Variants in MDGA2 observed in about 807,000 individuals in gnomAD.
The protein encoded by MDGA2 is MAM domain-containing glycosylphosphatidylinositol anchor protein 2.
In MDGA2, 40 loss-of-function variants were observed where a neutral mutation model predicts 117.8. That is an observed-to-expected ratio of 0.34 (90% confidence interval 0.26 to 0.44). The LOEUF is 0.44. Among genes scored for constraint, MDGA2 ranks in the 20% least tolerant of loss-of-function variants. The pLI is 1.00. For synonymous variants in MDGA2, 452 were observed against 439.0 expected (o/e 1.03, Z -0.37); for missense variants, 1,123 against 1,250.6 (o/e 0.90, Z 1.54).
chr14:47,469,696 A>G (rs947192410), intron 1 of MDGA2, among the ~76,000 whole-genome samples: 1 of 152,036 alleles, frequency 6.6e-6, no homozygotes, highest in Non-Finnish European at 1.5e-5. Context: ...GTCAAATGGT[A>G]TTTTTAGTTC....
intron 1 of MDGA2, among the ~76,000 whole-genome samples, chr14:47,314,909 G>T (rs947851046): frequency 1.3e-5 from 2 of 152,062 alleles, no homozygotes; most frequent in African/African-American, 4.8e-5. Context: ...TAAGAATAAT[G>T]TGCATAGTAT....
intron 1 of MDGA2, among the ~76,000 whole-genome samples, chr14:47,422,479 T>G (rs553935953): frequency 1.3e-5 from 2 of 152,252 alleles, no homozygotes; most frequent in South Asian, 2.1e-4. Flanking sequence ...TGCCAGGATA[T>G]TCCCGAAATT....
chr14:47,185,171 TA>T (rs1383206642), intron 3 of MDGA2, among the ~76,000 whole-genome samples: 3 of 150,822 alleles, frequency 2.0e-5, no homozygotes, highest in Non-Finnish European at 4.5e-5. Flanking sequence ...GAATTTTAAA[TA>T]AAAAAGATGA....
At chr14:46,926,694 G>A (rs1275092869) in intron 9 of MDGA2, among the ~76,000 whole-genome samples, 1 of 151,906 alleles carries the variant, frequency 6.6e-6, no homozygotes, top group African/African-American at 2.4e-5. Context: ...AATTAGAAAA[G>A]AAGAGAGAAA....
chr14:46,913,364 C>A (rs966388161), intron 10 of MDGA2, among the ~76,000 whole-genome samples: 13 of 152,146 alleles, frequency 8.5e-5, no homozygotes, highest in African/African-American at 3.1e-4. Context: ...ATTATCAAAT[C>A]TCCACAGATT....
intron 5 of MDGA2, among the ~76,000 whole-genome samples, chr14:47,105,569 C>G (rs200817307): frequency 1.1e-4 from 17 of 151,972 alleles, no homozygotes; most frequent in South Asian, 1.0e-3. Flanking sequence ...AATACAAACT[C>G]GACAGTAGTT....
chr14:46,842,935 C>T (rs561613274), intron 16 of MDGA2, among the ~76,000 whole-genome samples: 156 of 152,204 alleles, frequency 1.0e-3, no homozygotes, highest in African/African-American at 3.6e-3. Context: ...CAATCAAATG[C>T]TAGTCATAAA....
intron 2 of MDGA2, among the ~76,000 whole-genome samples, chr14:47,231,517 A>C (rs1886688713): frequency 6.6e-6 from 1 of 152,092 alleles, no homozygotes; most frequent in Admixed American, 6.6e-5. Flanking sequence ...ACAAGTGAAA[A>C]TGGAAGGCTG....
At chr14:47,485,118 T>C (rs909473719) in intron 1 of MDGA2, among the ~76,000 whole-genome samples, 1 of 151,924 alleles carries the variant, frequency 6.6e-6, no homozygotes, top group African/African-American at 2.4e-5. Flanking sequence ...GACAGGAAAA[T>C]GTGCTAAAGT....
intron 14 of MDGA2, among the ~76,000 whole-genome samples, chr14:46,860,774 C>T (rs1881476160): frequency 6.6e-6 from 1 of 151,828 alleles, no homozygotes; most frequent in African/African-American, 2.4e-5. Flanking sequence ...TATCCAGTTC[C>T]ATCTTTTTCT....
intron 1 of MDGA2, among the ~76,000 whole-genome samples, chr14:47,615,298 A>C (rs1490392641): frequency 6.6e-6 from 1 of 152,210 alleles, no homozygotes; most frequent in Non-Finnish European, 1.5e-5. Flanking sequence ...GATTTTAACC[A>C]TTCTATAATA....
chr14:47,065,884 G>A (rs1237939229), intron 6 of MDGA2, among the ~76,000 whole-genome samples: 4 of 152,112 alleles, frequency 2.6e-5, no homozygotes, highest in Non-Finnish European at 5.9e-5. Context: ...TTATAATCAG[G>A]TTGTAGGATT....
At chr14:47,141,344 C>T (rs188417931) in intron 4 of MDGA2, among the ~76,000 whole-genome samples, 23 of 152,250 alleles carry the variant, frequency 1.5e-4, no homozygotes, top group African/African-American at 5.1e-4. Flanking sequence ...CCTGCACCTC[C>T]ATATTTATTA....
intron 1 of MDGA2, among the ~76,000 whole-genome samples, chr14:47,588,227 G>GATATAT (rs1566528680): frequency 2.5e-5 from 2 of 79,192 alleles, no homozygotes; most frequent in African/African-American, 1.0e-4. Context: ...AAATCTCTTG[G>GATATAT]AGATAGATAG....
chr14:47,317,413 T>A (rs1889840401), intron 1 of MDGA2, among the ~76,000 whole-genome samples: 2 of 152,108 alleles, frequency 1.3e-5, no homozygotes, highest in African/African-American at 4.8e-5. Flanking sequence ...AAACCTCAAA[T>A]CAAAAATACT....
chr14:47,181,621 C>T (rs944497606), intron 3 of MDGA2, among the ~76,000 whole-genome samples: 2 of 152,186 alleles, frequency 1.3e-5, no homozygotes, highest in African/African-American at 4.8e-5. Flanking sequence ...GGGTTTACTA[C>T]TTCTCACTTC....
intron 1 of MDGA2, among the ~76,000 whole-genome samples, chr14:47,308,571 A>G (rs1290076894): frequency 6.7e-6 from 1 of 149,302 alleles, no homozygotes; most frequent in Non-Finnish European, 1.5e-5. Flanking sequence ...GGAATCTCTC[A>G]AAGCTGTTTA....
chr14:47,222,630 TCC>T, intron 2 of MDGA2, among the ~76,000 whole-genome samples: 1 of 152,146 alleles, frequency 6.6e-6, no homozygotes, highest in Non-Finnish European at 1.5e-5. Context: ...AAGTCATCTA[TCC>T]ACAAGGTAAT....
chr14:47,658,532 C>A (rs780634498), intron 1 of MDGA2, among the ~76,000 whole-genome samples: 1 of 152,118 alleles, frequency 6.6e-6, no homozygotes, highest in Non-Finnish European at 1.5e-5. Context: ...TGCTAACCAT[C>A]CTCTTTTGTG....
Sources: gnomAD v4.1 joint callset for allele counts (sites outside exome capture counted in the v4.1 genomes callset) on GRCh38, gnomAD v4.1.1 for gene constraint, MANE v1.5 for transcripts, NCBI Gene and HGNC (gene_info 2026-07-23, HGNC 2026-07-21) for gene names.